AGXT2: variants seen among roughly 807,000 people sequenced by gnomAD.
The protein encoded by AGXT2 is alanine--glyoxylate aminotransferase 2.
A neutral mutation model predicts 62.5 loss-of-function variants in AGXT2; 61 were observed. The observed-to-expected ratio is 0.98, with a 90% CI of 0.79 to 1.21. The LOEUF is 1.21. Ranked by LOEUF, AGXT2 falls within the 50% of genes most tolerant of loss-of-function variation. The pLI is 0.00. For synonymous variants in AGXT2, 243 were observed against 218.7 expected (o/e 1.11, Z -0.98); for missense variants, 666 against 641.5 (o/e 1.04, Z -0.41).
rs13174300 is a variant in AGXT2 at position 35,002,146 on chromosome 5, C to T, written c.1437+1617G>A. Among the ~76,000 whole-genome samples the T allele has an allele frequency of 2.2e-4, 33 of 151,912 alleles. No individual in the cohort carries two copies. In the South Asian group the frequency reaches 2.9e-3, roughly 13 times the overall value. On this transcript the variant is annotated intron_variant, in intron 13 of 13. Transcript: ENST00000231420. Reference sequence around the variant, plus strand: ...ATGTCTTTATAAATTGCATGTCTTACGATTCATAATCATTAAATTATGTTA... The same window carrying T: ...ATGTCTTTATAAATTGCATGTCTTATGATTCATAATCATTAAATTATGTTA...
chr5:35,026,232 G>GT (rs755868522), intron 8 of AGXT2, 178 bp downstream of exon 8: 1 of 653,372 alleles, frequency 1.5e-6, no homozygotes, highest in Non-Finnish European at 2.7e-6. Context: ...GGAGGAGAGG[G>GT]TTTTTAAAAG....
rs1020024232 is a variant in AGXT2 at position 35,013,017 on chromosome 5, C to T, written c.1125G>A (p.Leu375=). The T allele has an allele frequency of 6.4e-7, 1 of 1,551,698 alleles. No individual in the cohort carries two copies. Among genetic ancestry groups the T allele is most frequent in the Non-Finnish European group, 8.7e-7 (1 of 1,146,978 alleles). The change falls in exon 11 of 14, where the codon CTG becomes CTA. Residue 375 remains leucine (L), a synonymous_variant. Transcript: ENST00000231420. ...TCCCTCCAAAGGTGTTGAAGTGCTG[C>T]AGGCATTTCGCCAAAGATTTGGCAA... is the stretch of plus-strand genomic sequence containing the variant. ...PEIAKSLAKC[L]QHFNTFGGNP...
chr5:35,007,072 G>A (rs1403077686), intron 12 of AGXT2, among the ~76,000 whole-genome samples: 1 of 152,176 alleles, frequency 6.6e-6, no homozygotes, highest in African/African-American at 2.4e-5. Context: ...AATATTGGGA[G>A]GTGGGGCCTT....
chr5:35,038,423 C>T (rs1767858590), intron 3 of AGXT2, among the ~76,000 whole-genome samples: 1 of 152,142 alleles, frequency 6.6e-6, no homozygotes, highest in South Asian at 2.1e-4. Flanking sequence ...GTATGTTTGT[C>T]CTACGTTTGA....
chr5:35,033,191 G>A (rs1767636196), intron 6 of AGXT2: 1 of 495,364 alleles, frequency 2.0e-6, no homozygotes, highest in Non-Finnish European at 3.7e-6. Context: ...GAAGTTTTGT[G>A]CATTCAAGAT....
chr5:35,015,094 ACTT>A (rs772642259), intron 9 of AGXT2, among the ~76,000 whole-genome samples: 2 of 152,198 alleles, frequency 1.3e-5, no homozygotes, highest in African/African-American at 2.4e-5. Flanking sequence ...TGTCTCACCG[ACTT>A]CTTCTGTGCT....
chr5:35,026,490 G>C lies in AGXT2; in HGVS notation c.790C>G (p.Gln264Glu). 1.2e-6 allele frequency: 2 copies of C among 1,612,350 alleles called. No homozygotes were observed. Among genetic ancestry groups the C allele is most frequent in the African/African-American group, 2.7e-5 (2 of 74,838 alleles). ...GTATCTTTGAATTGCTCAATATACT[G>C]ATCTTTAGCTTGGCAGCAGTCTGCA... is the stretch of plus-strand genomic sequence containing the variant. ...CAPDCCQAKD[Q>E]YIEQFKDTLS... The change falls in exon 8 of 14, where the codon CAG (glutamine) becomes GAG (glutamate). Residue 264 changes from glutamine to glutamate, a missense_variant. Transcript: ENST00000231420.
chr5:35,037,970 GC>G (rs139767121), intron 3 of AGXT2, among the ~76,000 whole-genome samples: 22,102 of 152,092 alleles, frequency 0.15, 2,099 homozygotes, highest in South Asian at 0.22. Flanking sequence ...TTTGTTACAG[GC>G]CAATTTTATT....
At chr5:35,036,570 G>A (rs1201440768) in intron 4 of AGXT2, among the ~76,000 whole-genome samples, 1 of 152,224 alleles carries the variant, frequency 6.6e-6, no homozygotes, top group African/African-American at 2.4e-5. Flanking sequence ...AGGCTAAGGA[G>A]CGATGAGATA....
At position 34,998,180 on chromosome 5, in the gene AGXT2, T is replaced by C. The variant is rs1013679156; in HGVS notation, c.*539A>G. 1 of 165,006 alleles carries C rather than the reference T, an allele frequency of 6.1e-6. No individual in the cohort carries two copies. The highest frequency in any genetic ancestry group is 1.3e-5 in the Non-Finnish European group (1 of 75,032). 10.2% of individuals were successfully genotyped at this position (165,006 alleles called of 1,614,324 possible). On this transcript the variant is annotated 3_prime_UTR_variant, in exon 14 of 14. Coordinates refer to ENST00000231420, the MANE Select transcript of AGXT2 (RefSeq NM_031900.4). Reference sequence around the variant, plus strand: ...GCTCCAGGAATGCTTAAGTGAGTGCTTCTTTGACATCACTAAGCACTTGGC... The same window carrying C: ...GCTCCAGGAATGCTTAAGTGAGTGCCTCTTTGACATCACTAAGCACTTGGC...
At chr5:35,007,567 G>T (rs141791106) in intron 12 of AGXT2, among the ~76,000 whole-genome samples, 14 of 152,280 alleles carry the variant, frequency 9.2e-5, no homozygotes, top group South Asian at 2.1e-4. Context: ...AGCTTGAGTG[G>T]CATTTGGATT....
chr5:35,035,308 G>GA lies in AGXT2; in HGVS notation c.494dup (p.Val167GlyfsTer9). The GA allele has an allele frequency of 6.2e-7, 1 of 1,613,802 alleles. No homozygotes were observed. The highest frequency in any genetic ancestry group is 1.1e-5 in the South Asian group (1 of 91,080). ...TGGCTTCTGAGCCACTGTTCACCAA[G>GA]AAAATGACCTGGAGAGGAAAGGAAG... On this transcript the variant is annotated frameshift_variant, in exon 5 of 14. Transcript: ENST00000231420. LOFTEE classifies it high-confidence loss of function.
Position 35,036,882 on chromosome 5 carries a change from G to A in AGXT2, c.486+60C>T, listed in dbSNP as rs1767786157. The A allele has an allele frequency of 6.8e-6, 11 of 1,609,678 alleles. No homozygotes were observed. The Admixed American group carries it at 1.8e-4, about 27-fold the overall frequency. ...TAAGACTCCTGTCTCTTTGAGCTGGGAGCATCATACCTTTTTTTTTCCCCC... is the reference window on the plus strand; with the variant it reads ...TAAGACTCCTGTCTCTTTGAGCTGGAAGCATCATACCTTTTTTTTTCCCCC... On this transcript the variant is annotated intron_variant, in intron 4 of 13. Coordinates refer to ENST00000231420, the MANE Select transcript of AGXT2 (RefSeq NM_031900.4).
chr5:35,026,344 T>C, intron 8 of AGXT2, 66 bp downstream of exon 8: 3 of 1,280,004 alleles, frequency 2.3e-6, no homozygotes, highest in Non-Finnish European at 2.3e-6. Flanking sequence ...CTCTAGAATA[T>C]ATGAGTTAAA....
intron 1 of AGXT2, among the ~76,000 whole-genome samples, chr5:35,042,840 T>C (rs924519985): frequency 1.3e-5 from 2 of 152,080 alleles, no homozygotes; most frequent in Admixed American, 6.6e-5. Context: ...CCAAGGTCTA[T>C]TTCTGAATAG....
At chr5:34,998,913 C>CA in intron 13 of AGXT2, 87 bp from the exon 14 acceptor site, 4 of 1,010,464 alleles carry the variant, frequency 4.0e-6, no homozygotes, top group Non-Finnish European at 6.1e-6. Flanking sequence ...AAATCCAAAA[C>CA]CTTGTGTTTA....
chr5:35,012,101 G>A (rs1253588567), intron 11 of AGXT2, among the ~76,000 whole-genome samples: 3 of 152,090 alleles, frequency 2.0e-5, no homozygotes, highest in African/African-American at 7.2e-5. Flanking sequence ...GGAGGGGGGT[G>A]AGGGATGGAA....
chr5:35,026,862 A>C (rs961356214), intron 7 of AGXT2: 1 of 985,320 alleles, frequency 1.0e-6, no homozygotes, highest in African/African-American at 1.7e-5. Flanking sequence ...AGGTGGATCT[A>C]ATTCAAATGT....
intron 9 of AGXT2, among the ~76,000 whole-genome samples, chr5:35,021,066 A>T (rs1423958136): frequency 6.6e-6 from 1 of 152,242 alleles, no homozygotes; most frequent in Non-Finnish European, 1.5e-5. Context: ...GCTCAAGGAA[A>T]TAAAAGAAGA....
Sources: gnomAD v4.1 joint callset for allele counts (sites outside exome capture counted in the v4.1 genomes callset) on GRCh38, gnomAD v4.1.1 for gene constraint, MANE v1.5 for transcripts, NCBI Gene and HGNC (gene_info 2026-07-23, HGNC 2026-07-21) for gene names.